Variants in DNAH14 observed in about 807,000 individuals in gnomAD.
DNAH14 encodes the protein dynein axonemal heavy chain 14, also known as axonemal beta dynein heavy chain 14.
Under a neutral mutation model 520.9 loss-of-function variants are expected in DNAH14, and 478 were observed. That is an observed-to-expected ratio of 0.92 (90% CI 0.85 to 0.99). The LOEUF (loss-of-function observed/expected upper bound fraction) is 0.99, where lower values mean the gene tolerates loss of function less well. Among genes scored for constraint, DNAH14 ranks in the 50% least tolerant of loss-of-function variants. The pLI is 0.00. For missense variants in DNAH14, 4,831 were observed against 5,234.5 expected (o/e 0.92, Z 2.38); for synonymous variants, 1,581 against 1,757.2 (o/e 0.90, Z 2.51).
At chr1:224,969,003 T>G (rs1361755821) in intron 7 of DNAH14, 129 bp downstream of exon 7, 1 of 603,086 alleles carries the variant, frequency 1.7e-6, no homozygotes, top group Non-Finnish European at 2.8e-6. Context: ...TATCTAAAAA[T>G]TTTTTACGGA....
chr1:225,343,054 C>T (rs1384206926), intron 69 of DNAH14, among the ~76,000 whole-genome samples: 2 of 152,144 alleles, frequency 1.3e-5, no homozygotes, highest in African/African-American at 2.4e-5. Flanking sequence ...GAATTTAAGC[C>T]GTTCCCACAT....
At chr1:224,962,323 T>C (rs74589226) in intron 4 of DNAH14, among the ~76,000 whole-genome samples, 8,023 of 152,244 alleles carry the variant, frequency 0.053, 321 homozygotes, top group Non-Finnish European at 0.078. Context: ...CAGTTGACTT[T>C]AAATTTATCA....
intron 55 of DNAH14, among the ~76,000 whole-genome samples, chr1:225,292,629 G>A (rs953625214): frequency 6.6e-6 from 1 of 151,994 alleles, no homozygotes; most frequent in African/African-American, 2.4e-5. Flanking sequence ...TTCTATTTCT[G>A]TGAAGAATAT....
At chr1:225,334,558 A>G (rs1489081274) in intron 66 of DNAH14, among the ~76,000 whole-genome samples, 1 of 152,210 alleles carries the variant, frequency 6.6e-6, no homozygotes. Context: ...CTATGTATCT[A>G]TCTTAGCAAA....
At chr1:225,076,260 T>C (rs913097412) in intron 17 of DNAH14, among the ~76,000 whole-genome samples, 1 of 152,184 alleles carries the variant, frequency 6.6e-6, no homozygotes, top group Non-Finnish European at 1.5e-5. Context: ...GGGTATAGTC[T>C]GGTGCCAGGG....
intron 1 of DNAH14, among the ~76,000 whole-genome samples, chr1:224,945,280 C>T (rs985168743): frequency 1.1e-4 from 16 of 152,104 alleles, no homozygotes; most frequent in African/African-American, 3.1e-4. Context: ...TCCAGTTGAT[C>T]GAATCGGCTA....
At chr1:225,192,237 C>T (rs1489707104) in intron 37 of DNAH14, among the ~76,000 whole-genome samples, 5 of 152,048 alleles carry the variant, frequency 3.3e-5, no homozygotes, top group South Asian at 2.1e-4. Context: ...TGAAGAAGTG[C>T]CTGCCAATTT....
Position 225,392,273 on chromosome 1 carries a change from G to T in DNAH14, c.13331-18G>T, listed in dbSNP as rs769679204. The T allele has an allele frequency of 6.4e-7, 1 of 1,551,946 alleles. No individual in the cohort carries two copies. The highest frequency in any genetic ancestry group is 8.7e-7 in the Non-Finnish European group (1 of 1,146,962). On this transcript the variant is annotated intron_variant, in intron 83 of 85. Transcript: ENST00000682510. ...TGAGACTCACAAGGAACTTGATGGT[G>T]TGTGTTCTTCTCCAAAGCCTTTCTT... is the stretch of plus-strand genomic sequence containing the variant.
intron 60 of DNAH14, among the ~76,000 whole-genome samples, chr1:225,314,618 A>G (rs1412237258): frequency 6.6e-6 from 1 of 152,138 alleles, no homozygotes; most frequent in African/African-American, 2.4e-5. Flanking sequence ...AGGAGCTCTT[A>G]TAAGGTAGGC....
intron 36 of DNAH14, among the ~76,000 whole-genome samples, chr1:225,170,562 G>A (rs188291556): frequency 3.9e-5 from 6 of 152,250 alleles, no homozygotes; most frequent in African/African-American, 1.2e-4. Flanking sequence ...ACAACAAGAA[G>A]ACCTAACTAT....
rs1558617220 is a variant in DNAH14 at position 224,991,084 on chromosome 1, C to CA, written c.831-11699_831-11698insA. Reference sequence around the variant, plus strand: ...TTCCCTAATGATTAGTGATGTTGAGCTTTTTTTTTTTTTTTTTTTTTTTTT... The same window carrying CA: ...TTCCCTAATGATTAGTGATGTTGAGCATTTTTTTTTTTTTTTTTTTTTTTTT... On this transcript the variant is annotated intron_variant, in intron 8 of 85. Coordinates refer to ENST00000682510, the MANE Select transcript of DNAH14 (RefSeq NM_001367479.1). Among the ~76,000 whole-genome samples, 27 of 77,904 alleles carry CA rather than the reference C, an allele frequency of 3.5e-4. 1 individual carries two copies. The highest frequency in any genetic ancestry group is 1.1e-3 in the East Asian group (3 of 2,710). 51.1% of individuals were successfully genotyped at this position (77,904 alleles called of 152,430 possible).
intron 77 of DNAH14, among the ~76,000 whole-genome samples, chr1:225,371,172 C>T (rs1278437721): frequency 6.6e-6 from 1 of 152,044 alleles, no homozygotes; most frequent in Non-Finnish European, 1.5e-5. Context: ...TACATAAGAA[C>T]TGTAGATTAA....
chr1:224,980,846 G>T (rs561969164), intron 8 of DNAH14, among the ~76,000 whole-genome samples: 2 of 152,190 alleles, frequency 1.3e-5, no homozygotes, highest in East Asian at 1.9e-4. Flanking sequence ...AGCTCCATGT[G>T]GGGGGCTATG....
chr1:225,307,447 T>G lies in DNAH14; in HGVS notation c.9006-14T>G. On this transcript the variant is annotated splice_polypyrimidine_tract_variant and intron_variant, in intron 58 of 85. Transcript: ENST00000682510. ...TTATATCTTACACCTTCTTAATACT[T>G]TTTCTTCCTTCAGGGATCGCTTCCA... The G allele has an allele frequency of 6.6e-7, 1 of 1,506,874 alleles. No homozygotes were observed. The highest frequency in any genetic ancestry group is 1.7e-4 in the Middle Eastern group (1 of 5,880). The allele number at this position is 1,506,874 out of a possible 1,614,324, so 93.3% of individuals were successfully genotyped here.
chr1:224,932,991 T>C (rs2125331793), intron 1 of DNAH14, among the ~76,000 whole-genome samples: 1 of 152,222 alleles, frequency 6.6e-6, no homozygotes, highest in African/African-American at 2.4e-5. Context: ...TTGATAGGAA[T>C]TGCATTGAAT....
chr1:225,087,855 A>G (rs1445834250), intron 21 of DNAH14, among the ~76,000 whole-genome samples: 1 of 152,188 alleles, frequency 6.6e-6, no homozygotes, highest in Admixed American at 6.5e-5. Flanking sequence ...GGAAACAACC[A>G]CTTGAGAAAA....
At chr1:225,168,316 T>C (rs1174380597) in intron 36 of DNAH14, among the ~76,000 whole-genome samples, 1 of 152,056 alleles carries the variant, frequency 6.6e-6, no homozygotes, top group Non-Finnish European at 1.5e-5. Flanking sequence ...GAACAGTGGG[T>C]GCAGTGCAGC....
At chr1:225,314,213 G>A (rs7529211) in intron 60 of DNAH14, among the ~76,000 whole-genome samples, 33,264 of 151,914 alleles carry the variant, frequency 0.22, 4,773 homozygotes, top group African/African-American at 0.4. Flanking sequence ...TGTCTCTTTC[G>A]ATCTTTGTTG....
At chr1:225,082,118 GTTAA>G (rs948505020) in intron 19 of DNAH14, among the ~76,000 whole-genome samples, 63 of 150,610 alleles carry the variant, frequency 4.2e-4, no homozygotes, top group African/African-American at 1.5e-3. Context: ...ATGTTAAGAT[GTTAA>G]TTAAATAAAT....
Sources: gnomAD v4.1 joint callset for allele counts (sites outside exome capture counted in the v4.1 genomes callset) on GRCh38, gnomAD v4.1.1 for gene constraint, MANE v1.5 for transcripts, NCBI Gene and HGNC (gene_info 2026-07-23, HGNC 2026-07-21) for gene names.